Variants in SGCZ observed in about 807,000 individuals in gnomAD.
The protein encoded by SGCZ is sarcoglycan zeta, also known as zeta-sarcoglycan.
A neutral mutation model predicts 41.3 loss-of-function variants in SGCZ; 40 were observed. The observed-to-expected ratio is 0.97, with a 90% CI of 0.75 to 1.26. The LOEUF (loss-of-function observed/expected upper bound fraction) is 1.26, where lower values mean the gene tolerates loss of function less well. Among genes scored for constraint, SGCZ ranks in the 50% most tolerant of loss-of-function variants. The pLI, the probability that SGCZ is intolerant of heterozygous loss-of-function variation, is 0.00. For missense variants in SGCZ, 552 were observed against 369.8 expected, an observed-to-expected ratio of 1.49 and a Z score of -4.04; for synonymous variants, 206 against 137.5, an observed-to-expected ratio of 1.50 and a Z score of -3.49.
intron 3 of SGCZ, among the ~76,000 whole-genome samples, chr8:14,315,363 T>C (rs181022864): frequency 2.0e-5 from 3 of 152,246 alleles, no homozygotes; most frequent in East Asian, 3.9e-4. Flanking sequence ...AATAATTTGG[T>C]AACCAAAACA....
intron 1 of SGCZ, among the ~76,000 whole-genome samples, chr8:15,198,055 A>G (rs1357949498): frequency 6.7e-6 from 1 of 148,624 alleles, no homozygotes; most frequent in Non-Finnish European, 1.5e-5. Context: ...ATTATATATT[A>G]CATTATATAT....
chr8:14,768,708 A>G (rs975763375), intron 1 of SGCZ, among the ~76,000 whole-genome samples: 9 of 151,966 alleles, frequency 5.9e-5, no homozygotes, highest in African/African-American at 2.2e-4. Context: ...TGATTCACTA[A>G]TTTTGTAATA....
At position 15,212,109 on chromosome 8, in the gene SGCZ, T is replaced by G. The variant is rs959203466; in HGVS notation, c.39+25476A>C. On this transcript the variant is annotated intron_variant, in intron 1 of 7. Transcript: ENST00000382080. Reference sequence around the variant, plus strand: ...AGTTTCTCCTACACTGACTATGGGATCTCAAGAAACGACTGCATGGATGCC... The same window carrying G: ...AGTTTCTCCTACACTGACTATGGGAGCTCAAGAAACGACTGCATGGATGCC... 2.0e-5 allele frequency among the ~76,000 whole-genome samples: 3 copies of G among 152,248 alleles called. No individual in the cohort carries two copies. In the East Asian group the frequency reaches 5.8e-4, roughly 29 times the overall value.
intron 1 of SGCZ, among the ~76,000 whole-genome samples, chr8:15,038,942 T>C (rs1482330362): frequency 3.3e-5 from 5 of 151,746 alleles, no homozygotes; most frequent in Non-Finnish European, 7.4e-5. Flanking sequence ...TACTACCTCA[T>C]ACCTGCTAGG....
intron 4 of SGCZ, among the ~76,000 whole-genome samples, chr8:14,177,570 C>T (rs1419367336): frequency 2.6e-5 from 4 of 152,024 alleles, no homozygotes; most frequent in African/African-American, 7.2e-5. Context: ...AGTGCAGTGG[C>T]GCCATCTGGG....
chr8:14,105,959 A>T (rs1378974698), intron 6 of SGCZ, among the ~76,000 whole-genome samples: 3 of 152,166 alleles, frequency 2.0e-5, no homozygotes, highest in African/African-American at 7.2e-5. Flanking sequence ...CTATAAATGT[A>T]TTTTAAGTTT....
intron 3 of SGCZ, among the ~76,000 whole-genome samples, chr8:14,268,045 TC>T (rs1353824406): frequency 2.6e-5 from 4 of 151,174 alleles, no homozygotes; most frequent in South Asian, 2.1e-4. Flanking sequence ...ATTTACTTTT[TC>T]TTCAAAGTTT....
chr8:14,903,101 G>C (rs141523000), intron 1 of SGCZ, among the ~76,000 whole-genome samples: 13 of 152,164 alleles, frequency 8.5e-5, no homozygotes, highest in African/African-American at 3.1e-4. Flanking sequence ...AGAGGGTTCT[G>C]GTTTCCTTAC....
intron 3 of SGCZ, among the ~76,000 whole-genome samples, chr8:14,291,485 T>G (rs975209306): frequency 4.6e-5 from 7 of 152,010 alleles, no homozygotes; most frequent in African/African-American, 1.7e-4. Context: ...TTGTGCACTT[T>G]TATGCTGGTA....
At chr8:14,266,153 A>G (rs558744169) in intron 3 of SGCZ, among the ~76,000 whole-genome samples, 2 of 152,118 alleles carry the variant, frequency 1.3e-5, no homozygotes, top group Non-Finnish European at 2.9e-5. Context: ...CTCAATCCCA[A>G]TAAGTCTGTC....
At chr8:15,054,497 G>C (rs1014088756) in intron 1 of SGCZ, among the ~76,000 whole-genome samples, 6 of 152,108 alleles carry the variant, frequency 3.9e-5, no homozygotes, top group Non-Finnish European at 5.9e-5. Flanking sequence ...TCTACTCCTT[G>C]GGAAGACAAC....
chr8:14,998,720 T>C (rs1020403834), intron 1 of SGCZ, among the ~76,000 whole-genome samples: 18 of 152,318 alleles, frequency 1.2e-4, no homozygotes, highest in African/African-American at 3.8e-4. Context: ...CTGTATAGAG[T>C]TGCAATGCTT....
At chr8:14,921,582 C>T (rs1186135024) in intron 1 of SGCZ, among the ~76,000 whole-genome samples, 1 of 151,608 alleles carries the variant, frequency 6.6e-6, no homozygotes, top group African/African-American at 2.4e-5. Context: ...GGCATTTGCT[C>T]TCCTAGAAAA....
At chr8:14,645,585 C>T (rs1189782295) in intron 1 of SGCZ, among the ~76,000 whole-genome samples, 3 of 149,620 alleles carry the variant, frequency 2.0e-5, no homozygotes, top group African/African-American at 4.9e-5. Flanking sequence ...CTGGTATCCT[C>T]GAAGCTTGGA....
intron 1 of SGCZ, among the ~76,000 whole-genome samples, chr8:15,181,405 G>C (rs975176971): frequency 6.6e-6 from 1 of 152,014 alleles, no homozygotes; most frequent in African/African-American, 2.4e-5. Context: ...ACAGAGCCTA[G>C]ATACCCAAAT....
intron 2 of SGCZ, among the ~76,000 whole-genome samples, chr8:14,404,919 G>C (rs1198374783): frequency 3.9e-5 from 6 of 152,168 alleles, no homozygotes; most frequent in South Asian, 2.1e-4. Flanking sequence ...CTCTTCTTTC[G>C]TTCCCTGTGG....
intron 5 of SGCZ, among the ~76,000 whole-genome samples, chr8:14,156,089 A>G (rs59080237): frequency 0.012 from 1,867 of 152,260 alleles, 49 homozygotes; most frequent in African/African-American, 0.043. Flanking sequence ...GTGAGTGGTG[A>G]GTGAATGTGA....
At chr8:14,781,681 G>A (rs1270995104) in intron 1 of SGCZ, among the ~76,000 whole-genome samples, 3 of 152,048 alleles carry the variant, frequency 2.0e-5, no homozygotes, top group African/African-American at 7.2e-5. Context: ...AACTTGTGAT[G>A]GAGTTACATC....
At chr8:14,609,634 T>A (rs574808831) in intron 1 of SGCZ, among the ~76,000 whole-genome samples, 3 of 152,292 alleles carry the variant, frequency 2.0e-5, no homozygotes, top group Admixed American at 1.3e-4. Flanking sequence ...TTTTGACACA[T>A]CATTCTAAAA....
Sources: allele counts gnomAD v4.1 joint callset (sites outside exome capture counted in the v4.1 genomes callset), GRCh38; gene constraint gnomAD v4.1.1; transcripts MANE v1.5; gene names NCBI Gene and HGNC (gene_info 2026-07-23, HGNC 2026-07-21).